The following ALG6 variants were observed in gnomAD, a reference collection of about 807,000 sequenced individuals.
The protein encoded by ALG6 is dolichyl pyrophosphate Man9GlcNAc2 alpha-1,3-glucosyltransferase.
In ALG6, 46 loss-of-function variants were observed where a neutral mutation model predicts 66.6. That is an observed-to-expected ratio of 0.69 (90% confidence interval 0.55 to 0.88). The LOEUF is 0.88. ALG6 is among the 40% of genes least tolerant of loss of function. The pLI is 0.00. For synonymous variants in ALG6, 185 were observed against 203.7 expected (o/e 0.91, Z 0.78); for missense variants, 505 against 586.8 (o/e 0.86, Z 1.44).
intron 2 of ALG6, 116 bp from the exon 3 acceptor site, chr1:63,396,397 G>A: frequency 1.2e-6 from 1 of 864,222 alleles, no homozygotes; most frequent in Non-Finnish European, 1.9e-6. Flanking sequence ...GGTAACTCCT[G>A]TGTTCTTTCT....
Position 63,397,192 on chromosome 1 carries a change from C to CT in ALG6, c.167+606dup, listed in dbSNP as rs923188323. On this transcript the variant is annotated intron_variant, in intron 3 of 14. Transcript: ENST00000263440. ...ATGAGTATTTAGGTGTTCACTTTTT[C>CT]TTTTTTTTTTTGAGATGGAGTCTCA... Among the ~76,000 whole-genome samples the CT allele has an allele frequency of 2.2e-3, 321 of 145,204 alleles. 2 individuals are homozygous for CT. The East Asian group carries it at 0.024, about 11-fold the overall frequency.
At chr1:63,422,225 A>AGATATAAATATATATCTATACG in intron 12 of ALG6, among the ~76,000 whole-genome samples, 1 of 71,584 alleles carries the variant, frequency 1.4e-5, no homozygotes, top group South Asian at 3.8e-4. Context: ...ATATTTATAT[A>AGATATAAATATATATCTATACG]AATATAAATA....
At chr1:63,420,912 A>G (rs1024850915) in intron 12 of ALG6, among the ~76,000 whole-genome samples, 1 of 152,048 alleles carries the variant, frequency 6.6e-6, no homozygotes, top group African/African-American at 2.4e-5. Context: ...GTCCCAGCTA[A>G]TCATATCATT....
At chr1:63,379,792 CATTAT>C (rs1424827259) in intron 2 of ALG6, among the ~76,000 whole-genome samples, 2 of 148,860 alleles carry the variant, frequency 1.3e-5, no homozygotes, top group Non-Finnish European at 3.0e-5. Context: ...ATATATAAAA[CATTAT>C]ATTATATACA....
At chr1:63,398,404 C>A (rs1020110049) in intron 3 of ALG6, among the ~76,000 whole-genome samples, 1 of 152,192 alleles carries the variant, frequency 6.6e-6, no homozygotes, top group Non-Finnish European at 1.5e-5. Flanking sequence ...TTTAGTAATA[C>A]CGGACTTTTA....
At chr1:63,403,269 GT>G (rs1644474561) in intron 4 of ALG6, among the ~76,000 whole-genome samples, 1 of 151,854 alleles carries the variant, frequency 6.6e-6, no homozygotes, top group Non-Finnish European at 1.5e-5. Context: ...GTATAAGAAA[GT>G]TTTTTTTCTG....
chr1:63,394,993 G>A (rs1188744181), intron 2 of ALG6, among the ~76,000 whole-genome samples: 1 of 151,728 alleles, frequency 6.6e-6, no homozygotes, highest in Admixed American at 6.6e-5. Context: ...AGCCTCCTGA[G>A]TAGCTGGGAT....
chr1:63,390,542 C>T (rs989515831), intron 2 of ALG6, among the ~76,000 whole-genome samples: 2 of 152,174 alleles, frequency 1.3e-5, no homozygotes, highest in Non-Finnish European at 2.9e-5. Context: ...CCCCAGTCCA[C>T]TGCGTCTGAG....
At chr1:63,428,435 A>T (rs1039434506) in intron 12 of ALG6, 3 of 235,438 alleles carry the variant, frequency 1.3e-5, no homozygotes, top group African/African-American at 6.8e-5. Context: ...AGATTTGTTT[A>T]TCTGATCCTT....
chr1:63,430,960 A>C (rs1369979363), intron 14 of ALG6, among the ~76,000 whole-genome samples: 1 of 152,198 alleles, frequency 6.6e-6, no homozygotes, highest in African/African-American at 2.4e-5. Flanking sequence ...ACCATTGTAT[A>C]ACCAGTGGTC....
rs1180803512 is a variant in ALG6 at position 63,371,057 on chromosome 1, C to G, written c.80C>G (p.Ser27Ter). ...VRWTVSLNSYSGAGKPPMFGD... is the reference protein window; with the variant it reads ...VRWTVSLNSY Reference sequence around the variant, plus strand: ...TGGACAGTGTCTCTTAATTCTTATTCAGGTAATACATTTTTACTGGTTAAA... The same window carrying G: ...TGGACAGTGTCTCTTAATTCTTATTGAGGTAATACATTTTTACTGGTTAAA... Residue 27 changes from serine to a stop codon, truncating the protein, a stop_gained and splice_region_variant, in exon 2 of 15, where the codon TCA (serine) becomes TGA (stop). Transcript: ENST00000263440. LOFTEE classifies it high-confidence loss of function. 1 of 1,594,402 alleles carries G rather than the reference C, an allele frequency of 6.3e-7. No homozygotes were observed. Among genetic ancestry groups the G allele is most frequent in the East Asian group, 2.2e-5 (1 of 44,720 alleles).
intron 2 of ALG6, among the ~76,000 whole-genome samples, chr1:63,381,270 C>A (rs1239693517): frequency 1.3e-5 from 2 of 152,066 alleles, no homozygotes; most frequent in African/African-American, 2.4e-5. Context: ...CTGGCTAACA[C>A]GGTGAAACCC....
rs186418277 is a variant in ALG6 at position 63,431,265 on chromosome 1, C to T, written c.1326+2139C>T. 5.3e-4 allele frequency among the ~76,000 whole-genome samples: 81 copies of T among 152,322 alleles called. 1 individual carries two copies. Among genetic ancestry groups the T allele is most frequent in the African/African-American group, 1.9e-3 (77 of 41,564 alleles). On this transcript the variant is annotated intron_variant, in intron 14 of 14. Transcript: ENST00000263440. The stretch of plus-strand genomic sequence containing the variant: ...GTAGTTAGTTTTGAAATTGAAAATG[C>T]AAGTCCACTGATTTTGTTCTTTTAC...
At chr1:63,403,156 T>C (rs1457142228) in intron 4 of ALG6, among the ~76,000 whole-genome samples, 1 of 151,268 alleles carries the variant, frequency 6.6e-6, no homozygotes, top group Non-Finnish European at 1.5e-5. Context: ...ATAATTTTTT[T>C]GGAGGACATC....
At chr1:63,374,417 C>T (rs374762080) in intron 2 of ALG6, among the ~76,000 whole-genome samples, 3 of 152,298 alleles carry the variant, frequency 2.0e-5, no homozygotes, top group Admixed American at 6.5e-5. Context: ...CACATGAGGT[C>T]AGGAGTTCGA....
Position 63,436,877 on chromosome 1 carries a change from G to GA in ALG6, c.1382dup (p.Asp461GlufsTer30). ...TCTGACGTTGATGACTGTCACACTG[G>GA]ATCCTCCTCAGAAACTACCGGACTT... On this transcript the variant is annotated frameshift_variant, in exon 15 of 15. Transcript: ENST00000263440. LOFTEE classifies it high-confidence loss of function. 6.2e-7 allele frequency: 1 copy of GA among 1,613,756 alleles called. No individual in the cohort carries two copies. Among genetic ancestry groups the GA allele is most frequent in the Non-Finnish European group, 8.5e-7 (1 of 1,179,798 alleles).
At chr1:63,394,610 C>T (rs750011599) in intron 2 of ALG6, among the ~76,000 whole-genome samples, 28 of 152,040 alleles carry the variant, frequency 1.8e-4, no homozygotes, top group Admixed American at 7.9e-4. Context: ...CCTCGTGATC[C>T]ACCCACCTCG....
In ALG6 at chr1:63,437,796, G is replaced by A. The variant is rs1479974952; in HGVS notation, c.*776G>A. 2 of 145,400 alleles carry A rather than the reference G, an allele frequency of 1.4e-5. No homozygotes were observed. Among genetic ancestry groups the A allele is most frequent in the Admixed American group, 6.9e-5 (1 of 14,518 alleles). 9.0% of individuals were successfully genotyped at this position (145,400 alleles called of 1,614,324 possible). On this transcript the variant is annotated 3_prime_UTR_variant, in exon 15 of 15. Coordinates refer to ENST00000263440, the MANE Select transcript of ALG6 (RefSeq NM_013339.4). ...GGTTCTAAACTTCCAGAACCATTCT[G>A]TTTAATTAAACATTATATTATATAT...
chr1:63,398,128 G>A (rs1268801183), intron 3 of ALG6, among the ~76,000 whole-genome samples: 1 of 151,878 alleles, frequency 6.6e-6, no homozygotes, highest in Non-Finnish European at 1.5e-5. Flanking sequence ...TGACTGCTTT[G>A]GCTACTGCTT....
Sources: allele counts gnomAD v4.1 joint callset (sites outside exome capture counted in the v4.1 genomes callset), GRCh38; gene constraint gnomAD v4.1.1; transcripts MANE v1.5; gene names NCBI Gene and HGNC (gene_info 2026-07-23, HGNC 2026-07-21).